CNTNAP2: variants seen among roughly 807,000 people sequenced by gnomAD.
The protein encoded by CNTNAP2 is contactin associated protein 2, also known as contactin-associated protein-like 2.
Under a neutral mutation model 155.2 loss-of-function variants are expected in CNTNAP2, and 98 were observed. The ratio of observed to expected loss-of-function variants is 0.63; its 90% CI spans 0.54 to 0.75. The LOEUF is 0.75. CNTNAP2 is among the 30% of genes least tolerant of loss of function. The pLI, the probability that CNTNAP2 is intolerant of heterozygous loss-of-function variation, is 0.00. For missense variants in CNTNAP2, 1,727 were observed against 1,688.1 expected (o/e 1.02, Z -0.40); for synonymous variants, 651 against 631.2 (o/e 1.03, Z -0.47).
intron 11 of CNTNAP2, among the ~76,000 whole-genome samples, chr7:147,515,022 T>G (rs1169838945): frequency 6.6e-6 from 1 of 152,294 alleles, no homozygotes; most frequent in Admixed American, 6.5e-5. Context: ...CTCGATGATC[T>G]TGGCTTCTAC....
intron 8 of CNTNAP2, among the ~76,000 whole-genome samples, chr7:147,209,355 A>G (rs1803089553): frequency 6.6e-6 from 1 of 151,938 alleles, no homozygotes; most frequent in Admixed American, 6.6e-5. Context: ...GGGTGTGGAT[A>G]TTGTAAATGA....
chr7:148,197,599 A>G (rs974309592), intron 18 of CNTNAP2, among the ~76,000 whole-genome samples: 3 of 152,250 alleles, frequency 2.0e-5, no homozygotes, highest in African/African-American at 7.2e-5. Flanking sequence ...CCAATGACAG[A>G]ACATGTCCAT....
intron 1 of CNTNAP2, among the ~76,000 whole-genome samples, chr7:146,420,122 A>T (rs1299961245): frequency 6.6e-6 from 1 of 152,082 alleles, no homozygotes; most frequent in Non-Finnish European, 1.5e-5. Flanking sequence ...GCATCTGAGA[A>T]ATATTTGTAG....
chr7:147,462,255 A>G (rs1798038276), intron 10 of CNTNAP2, among the ~76,000 whole-genome samples: 1 of 152,210 alleles, frequency 6.6e-6, no homozygotes, highest in East Asian at 1.9e-4. Flanking sequence ...TGCGTCTACG[A>G]AAACACTTCC....
At chr7:147,925,761 A>C (rs2116789982) in intron 14 of CNTNAP2, among the ~76,000 whole-genome samples, 1 of 152,292 alleles carries the variant, frequency 6.6e-6, no homozygotes, top group East Asian at 1.9e-4. Context: ...ACGCCCGGCC[A>C]TTCTGTGGAT....
At chr7:147,614,823 C>G (rs1056244249) in intron 12 of CNTNAP2, among the ~76,000 whole-genome samples, 4 of 151,726 alleles carry the variant, frequency 2.6e-5, no homozygotes. Context: ...CTATATAGCT[C>G]ATTTTATTGA....
intron 3 of CNTNAP2, among the ~76,000 whole-genome samples, chr7:146,938,589 T>G (rs1412262415): frequency 2.0e-5 from 3 of 151,890 alleles, no homozygotes; most frequent in African/African-American, 7.2e-5. Context: ...TCATTAATGC[T>G]CCATCACTTA....
At chr7:146,911,215 A>T (rs1246522864) in intron 3 of CNTNAP2, among the ~76,000 whole-genome samples, 2 of 152,094 alleles carry the variant, frequency 1.3e-5, no homozygotes, top group African/African-American at 2.4e-5. Flanking sequence ...GTGGGACTGT[A>T]AACTAGTTCA....
At chr7:148,107,812 T>G (rs1212819221) in intron 15 of CNTNAP2, among the ~76,000 whole-genome samples, 1 of 152,212 alleles carries the variant, frequency 6.6e-6, no homozygotes, top group East Asian at 1.9e-4. Context: ...ATTAGTCTCT[T>G]CAGAGCTGCT....
chr7:148,131,087 C>CTTTTTTTTTTTTTTTTTTTTTTT (rs755587892), intron 16 of CNTNAP2, among the ~76,000 whole-genome samples: 1 of 97,180 alleles, frequency 1.0e-5, no homozygotes, highest in African/African-American at 4.3e-5. Flanking sequence ...TTTTCTTCTT[C>CTTTTTTTTTTTTTTTTTTTTTTT]TTTTTTTTTT....
chr7:146,244,597 C>T (rs537079102), intron 1 of CNTNAP2, among the ~76,000 whole-genome samples: 1 of 152,188 alleles, frequency 6.6e-6, no homozygotes, highest in African/African-American at 2.4e-5. Flanking sequence ...TTTTAAAAGA[C>T]CTTTAGTCCA....
At chr7:146,265,031 C>A (rs531692432) in intron 1 of CNTNAP2, among the ~76,000 whole-genome samples, 1 of 152,064 alleles carries the variant, frequency 6.6e-6, no homozygotes, top group African/African-American at 2.4e-5. Context: ...GAGAAAAAAA[C>A]AAAGACAATA....
chr7:146,857,297 G>A (rs558028770), intron 3 of CNTNAP2, among the ~76,000 whole-genome samples: 128 of 152,106 alleles, frequency 8.4e-4, no homozygotes, highest in African/African-American at 3.0e-3. Context: ...AAAAGGACAA[G>A]TGTTCCTTAT....
chr7:148,053,971 CT>C (rs531701824), intron 15 of CNTNAP2, among the ~76,000 whole-genome samples: 160 of 127,166 alleles, frequency 1.3e-3, no homozygotes, highest in East Asian at 4.4e-3. Context: ...AATTCCACTT[CT>C]TTTTTTTTTT....
intron 23 of CNTNAP2, among the ~76,000 whole-genome samples, chr7:148,411,199 G>C (rs964788859): frequency 6.6e-6 from 1 of 152,046 alleles, no homozygotes; most frequent in East Asian, 1.9e-4. Flanking sequence ...ACTGTCTTTT[G>C]CTTTTTTAAA....
intron 4 of CNTNAP2, among the ~76,000 whole-genome samples, chr7:147,049,316 C>T (rs535236720): frequency 3.5e-3 from 527 of 152,248 alleles, no homozygotes; most frequent in African/African-American, 0.011. Flanking sequence ...GAAAAATATA[C>T]ATGTTTACAT....
At chr7:148,268,880 CA>C (rs1283146053) in intron 21 of CNTNAP2, among the ~76,000 whole-genome samples, 1 of 151,650 alleles carries the variant, frequency 6.6e-6, no homozygotes, top group Non-Finnish European at 1.5e-5. Context: ...TGAACTCAGG[CA>C]ATCAGACACC....
intron 14 of CNTNAP2, among the ~76,000 whole-genome samples, chr7:147,925,292 GCA>G (rs71183036): frequency 0.29 from 41,634 of 143,070 alleles, 7,194 homozygotes; most frequent in East Asian, 0.46. Flanking sequence ...AAGCGCGCGC[GCA>G]CACACACACA....
At chr7:147,836,914 T>C (rs17170691) in intron 13 of CNTNAP2, among the ~76,000 whole-genome samples, 2,794 of 152,268 alleles carry the variant, frequency 0.018, 89 homozygotes, top group East Asian at 0.14. Context: ...ATGTCTTAAT[T>C]TTTCTCCTCT....
Sources: gnomAD v4.1 joint callset for allele counts (sites outside exome capture counted in the v4.1 genomes callset) on GRCh38, gnomAD v4.1.1 for gene constraint, MANE v1.5 for transcripts, NCBI Gene and HGNC (gene_info 2026-07-23, HGNC 2026-07-21) for gene names.